The following DENND2A variants were observed in gnomAD, a reference collection of about 807,000 sequenced individuals.
DENND2A encodes DENN domain containing 2A, also known as DENN domain-containing protein 2A.
A neutral mutation model predicts 105.3 loss-of-function variants in DENND2A; 53 were observed. That is an observed-to-expected ratio of 0.50 (90% confidence interval 0.40 to 0.63). DENND2A has a LOEUF of 0.63. Among genes scored for constraint, DENND2A ranks in the 30% least tolerant of loss-of-function variants. The pLI is 0.00. For missense variants in DENND2A, 1,138 were observed against 1,279.6 expected (o/e 0.89, Z 1.69); for synonymous variants, 522 against 508.4 (o/e 1.03, Z -0.36).
At chr7:140,562,458 G>C (rs199910811) in intron 9 of DENND2A, among the ~76,000 whole-genome samples, 3 of 152,076 alleles carry the variant, frequency 2.0e-5, no homozygotes, top group African/African-American at 7.2e-5. Flanking sequence ...TCTGGAGATC[G>C]AGACCATCCT....
intron 14 of DENND2A, among the ~76,000 whole-genome samples, chr7:140,536,675 T>G (rs909434982): frequency 3.2e-4 from 48 of 152,318 alleles, no homozygotes; most frequent in Non-Finnish European, 2.9e-4. Flanking sequence ...AAATTGTATT[T>G]TTTTTTTGAA....
intron 4 of DENND2A, 88 bp downstream of exon 4, chr7:140,587,565 C>A: frequency 6.4e-7 from 1 of 1,558,572 alleles, no homozygotes; most frequent in Admixed American, 1.7e-5. Flanking sequence ...CATGTGTGTG[C>A]ACGTGTGTTT....
chr7:140,518,438 T>C lies in DENND2A; in HGVS notation c.*269A>G, dbSNP rs1459136368. 5.1e-6 allele frequency: 2 copies of C among 390,186 alleles called. No individual in the cohort carries two copies. The highest frequency in any genetic ancestry group is 4.5e-6 in the Non-Finnish European group (1 of 221,490). The allele number at this position is 390,186 out of a possible 1,614,324, so 24.2% of individuals were successfully genotyped here. A position where few individuals can be genotyped will look rare whatever the true frequency, so the allele number is the denominator to read the frequency against. On this transcript the variant is annotated 3_prime_UTR_variant, in exon 20 of 20. Coordinates refer to ENST00000496613, the MANE Select transcript of DENND2A (RefSeq NM_015689.5). The stretch of plus-strand genomic sequence containing the variant: ...ACCCACACATTTTTCTTACTTTTAA[T>C]ATCTAAGATAAAAAAAAAAACCCAA...
rs1795953636 is a variant in DENND2A, at chr7:140,523,959, A to G, written c.2548-535T>C. Among the ~76,000 whole-genome samples the G allele has an allele frequency of 6.6e-6, 1 of 152,176 alleles. No homozygotes were observed. The highest frequency in any genetic ancestry group is 1.5e-5 in the Non-Finnish European group (1 of 68,036). ...TCAATCTGTACCTTGTTGTGAAGCT[A>G]CAATGGACTACAATTACCCTGTGAA... On this transcript the variant is annotated intron_variant, in intron 16 of 19. Coordinates refer to ENST00000496613, the MANE Select transcript of DENND2A (RefSeq NM_015689.5). The surrounding 1 kb of genome is among the most constrained non-coding windows in gnomAD (Gnocchi z 4.5).
chr7:140,589,678 G>A lies in DENND2A; in HGVS notation c.996-1898C>T, dbSNP rs528039003. Among the ~76,000 whole-genome samples, 146 of 152,338 alleles carry A rather than the reference G, an allele frequency of 9.6e-4. 1 individual carries two copies. Among genetic ancestry groups the A allele is most frequent in the Middle Eastern group, 3.4e-3 (1 of 294 alleles). The stretch of plus-strand genomic sequence containing the variant: ...AGGTTCTCCCTCTGTTGCCCAGGCT[G>A]GAGTGCAGTGGTGCCACCACAGCTC... On this transcript the variant is annotated intron_variant, in intron 3 of 19. Coordinates refer to ENST00000496613, the MANE Select transcript of DENND2A (RefSeq NM_015689.5).
intron 1 of DENND2A, among the ~76,000 whole-genome samples, chr7:140,606,051 T>G (rs1286737054): frequency 2.6e-5 from 4 of 151,930 alleles, no homozygotes; most frequent in Non-Finnish European, 5.9e-5. Flanking sequence ...TGTTCATTTG[T>G]TTTTTTTGAG....
chr7:140,617,348 C>A (rs777130864), intron 1 of DENND2A, among the ~76,000 whole-genome samples: 7 of 152,232 alleles, frequency 4.6e-5, no homozygotes, highest in Non-Finnish European at 1.0e-4. Flanking sequence ...CTAAAGGAGG[C>A]CTCAGGACCA....
At chr7:140,574,673 A>G (rs1798231675) in intron 5 of DENND2A, among the ~76,000 whole-genome samples, 1 of 152,168 alleles carries the variant, frequency 6.6e-6, no homozygotes, top group Non-Finnish European at 1.5e-5. Context: ...CCTTTTATAC[A>G]AGGAATTGTG....
At chr7:140,591,682 T>C (rs1477615391) in intron 3 of DENND2A, among the ~76,000 whole-genome samples, 60 of 142,634 alleles carry the variant, frequency 4.2e-4, no homozygotes, top group African/African-American at 1.7e-3. Flanking sequence ...TCTTTCTTTC[T>C]TTCTTTCTTT....
intron 5 of DENND2A, among the ~76,000 whole-genome samples, chr7:140,574,439 G>C (rs764508302): frequency 1.3e-5 from 2 of 151,946 alleles, no homozygotes; most frequent in Non-Finnish European, 2.9e-5. Context: ...GGCTGGTCTC[G>C]AACTCTTAAG....
chr7:140,598,382 G>A (rs558491526), intron 3 of DENND2A, among the ~76,000 whole-genome samples: 8 of 152,296 alleles, frequency 5.3e-5, no homozygotes, highest in South Asian at 2.1e-4. Context: ...CTCTAGATGC[G>A]TTACCATTAA....
chr7:140,523,329 T>C lies in DENND2A; in HGVS notation c.2643A>G (p.Glu881=). The C allele has an allele frequency of 6.2e-7, 1 of 1,614,172 alleles. No individual in the cohort carries two copies. Residue 881 remains glutamate, a synonymous_variant, in exon 17 of 20, where the codon GAA becomes GAG. Transcript: ENST00000496613. The surrounding 1 kb of genome is among the most constrained non-coding windows in gnomAD (Gnocchi z 4.5). The part of the protein sequence containing the change: ...QRNELACEQD[E]GPLDGRHGPE... ...TACCGTGCCTGCCGTCTAGGGGCCC[T>C]TCGTCCTGCTCACAAGCCAGCTCGT...
intron 12 of DENND2A, among the ~76,000 whole-genome samples, chr7:140,549,517 T>G (rs1379988757): frequency 1.3e-5 from 2 of 152,180 alleles, no homozygotes; most frequent in Non-Finnish European, 2.9e-5. Flanking sequence ...CCTCCCAAAG[T>G]GCTAGGATTA....
chr7:140,571,861 C>A (rs1381744980), intron 6 of DENND2A, among the ~76,000 whole-genome samples: 1 of 152,132 alleles, frequency 6.6e-6, no homozygotes, highest in Non-Finnish European at 1.5e-5. Flanking sequence ...GATGACAGTT[C>A]TTAGCTGTCC....
intron 11 of DENND2A, 106 bp from the exon 12 acceptor site, chr7:140,555,819 A>G: frequency 1.1e-6 from 1 of 876,888 alleles, no homozygotes; most frequent in Non-Finnish European, 1.7e-6. Flanking sequence ...GTTTCCACAT[A>G]TCATAGCTCT....
At chr7:140,581,991 GT>G in intron 5 of DENND2A, among the ~76,000 whole-genome samples, 1 of 149,486 alleles carries the variant, frequency 6.7e-6, no homozygotes, top group Middle Eastern at 3.3e-3. Context: ...TTGAGACAGA[GT>G]TTCACTCTTT....
chr7:140,598,130 C>T (rs1799353183), intron 3 of DENND2A, among the ~76,000 whole-genome samples: 1 of 152,028 alleles, frequency 6.6e-6, no homozygotes. Context: ...GAATAATAAA[C>T]CAGGCCCGAA....
Position 140,611,957 on chromosome 7 carries a change from T to C in DENND2A, c.-247-6151A>G, listed in dbSNP as rs115152338. On this transcript the variant is annotated intron_variant, in intron 1 of 19. Transcript: ENST00000496613. ...ACTGTACAGTTTAAGATGGTGAATG[T>C]TGGCTGAGTGCGGTGGCTCACGTCT... Among the ~76,000 whole-genome samples, 216 of 152,234 alleles carry C rather than the reference T, an allele frequency of 1.4e-3. 1 individual carries two copies. Among genetic ancestry groups the C allele is most frequent in the African/African-American group, 5.1e-3 (210 of 41,558 alleles).
chr7:140,627,531 A>ATT (rs34608034), intron 1 of DENND2A, among the ~76,000 whole-genome samples: 5 of 148,402 alleles, frequency 3.4e-5, no homozygotes, highest in East Asian at 2.0e-4. Flanking sequence ...TTATTTATTT[A>ATT]TTTTTTTTTG....
Sources: gnomAD v4.1 joint callset for allele counts (sites outside exome capture counted in the v4.1 genomes callset) on GRCh38, gnomAD v4.1.1 for gene constraint, Gnocchi (gnomAD v3.1) non-coding constraint, MANE v1.5 for transcripts, NCBI Gene and HGNC (gene_info 2026-07-23, HGNC 2026-07-21) for gene names.